The following SLC35A3 variants were observed in gnomAD, a reference collection of about 807,000 sequenced individuals.
SLC35A3 encodes the protein UDP-N-acetylglucosamine transporter.
In SLC35A3, 26 loss-of-function variants were observed where a neutral mutation model predicts 39.0. The observed-to-expected ratio is 0.67, with a 90% CI of 0.49 to 0.92. The LOEUF (loss-of-function observed/expected upper bound fraction) is 0.92. Among genes scored for constraint, SLC35A3 ranks in the 40% least tolerant of loss-of-function variants. The pLI, the probability that SLC35A3 is intolerant of heterozygous loss-of-function variation, is 0.00. For synonymous variants in SLC35A3, 135 were observed against 133.1 expected (o/e 1.01, Z -0.10); for missense variants, 299 against 371.6 (o/e 0.80, Z 1.61).
rs1200679933 is a variant in SLC35A3 at position 100,024,598 on chromosome 1, A to G, written c.*2122A>G. ...ACACACACACACACACACCCACAGTATGAATGAAAAAAATAAAATACTTCT... is the reference window on the plus strand; with the variant it reads ...ACACACACACACACACACCCACAGTGTGAATGAAAAAAATAAAATACTTCT... On this transcript the variant is annotated 3_prime_UTR_variant, in exon 8 of 8. Transcript: ENST00000533028. 2 of 256,028 alleles carry G rather than the reference A, an allele frequency of 7.8e-6. No homozygotes were observed. Among genetic ancestry groups the G allele is most frequent in the Admixed American group, 5.5e-5 (1 of 18,230 alleles). The allele number at this position is 256,028 out of a possible 1,614,324, so 15.9% of individuals were successfully genotyped here. A position where few individuals can be genotyped will look rare whatever the true frequency, so the allele number is the denominator to read the frequency against.
Position 100,027,573 on chromosome 1 carries a change from G to C in SLC35A3, c.*5097G>C, listed in dbSNP as rs960651029. 1 of 167,536 alleles carries C rather than the reference G, an allele frequency of 6.0e-6. No homozygotes were observed. The highest frequency in any genetic ancestry group is 1.3e-5 in the Non-Finnish European group (1 of 78,258). The allele number at this position is 167,536 out of a possible 1,614,324, so 10.4% of individuals were successfully genotyped here. ...GATTTTTTGTTTTAAATATCTCTAG[G>C]CTAGCCTCAAGGTTAAGTAATTATA... On this transcript the variant is annotated 3_prime_UTR_variant, in exon 8 of 8. Transcript: ENST00000533028.
intron 1 of SLC35A3, among the ~76,000 whole-genome samples, chr1:99,981,279 C>G (rs567522080): frequency 6.6e-6 from 1 of 152,178 alleles, no homozygotes; most frequent in East Asian, 1.9e-4. Flanking sequence ...TTCATATATA[C>G]TCTCTTATGT....
At chr1:99,993,818 G>C in intron 2 of SLC35A3, 77 bp downstream of exon 2, 1 of 1,286,312 alleles carries the variant, frequency 7.8e-7, no homozygotes, top group Non-Finnish European at 1.1e-6. Flanking sequence ...CTACACATTT[G>C]CACTCTTGCA....
chr1:99,999,087 T>C (rs768859250), intron 2 of SLC35A3, among the ~76,000 whole-genome samples, 174 bp from the exon 3 acceptor site: 3 of 152,120 alleles, frequency 2.0e-5, no homozygotes, highest in Non-Finnish European at 4.4e-5. Flanking sequence ...TAATACATTA[T>C]AATATTTAAC....
intron 1 of SLC35A3, among the ~76,000 whole-genome samples, chr1:99,974,068 T>G (rs1236933746): frequency 6.7e-6 from 1 of 149,816 alleles, no homozygotes; most frequent in Non-Finnish European, 1.5e-5. Flanking sequence ...TCAGATAAAA[T>G]GCTAAGAAAC....
intron 1 of SLC35A3, among the ~76,000 whole-genome samples, chr1:99,983,381 T>C (rs1433651846): frequency 6.6e-6 from 1 of 151,368 alleles, no homozygotes; most frequent in Admixed American, 6.6e-5. Context: ...CTACTAAAAA[T>C]ACAAAAAATT....
chr1:100,006,088 T>C (rs193066844), intron 3 of SLC35A3, among the ~76,000 whole-genome samples: 8 of 152,300 alleles, frequency 5.3e-5, no homozygotes, highest in African/African-American at 1.9e-4. Flanking sequence ...ATATAGTCTC[T>C]ATATGATTTC....
intron 6 of SLC35A3, 81 bp from the exon 7 acceptor site, chr1:100,017,593 CAAAAGCTT>C: frequency 1.3e-6 from 1 of 794,970 alleles, no homozygotes; most frequent in Non-Finnish European, 1.9e-6. Flanking sequence ...ATTTATGGGA[CAAAAGCTT>C]AAAGCTTTAT....
intron 5 of SLC35A3, among the ~76,000 whole-genome samples, chr1:100,015,035 G>T (rs1317712332): frequency 2.6e-5 from 4 of 151,762 alleles, no homozygotes; most frequent in African/African-American, 4.8e-5. Flanking sequence ...GCACGCGCCT[G>T]TAGTCCCAGC....
chr1:99,989,218 T>A (rs74347162), intron 1 of SLC35A3, among the ~76,000 whole-genome samples: 7,335 of 152,314 alleles, frequency 0.048, 204 homozygotes, highest in African/African-American at 0.067. Flanking sequence ...ATTTCCCTAA[T>A]GACCTTTTCC....
At chr1:100,008,363 C>T (rs1249159443) in intron 4 of SLC35A3, 1 of 152,080 alleles carries the variant, frequency 6.6e-6, no homozygotes, top group Non-Finnish European at 1.5e-5. Flanking sequence ...TTGTTTCAAA[C>T]AGTTAGGTAT....
chr1:100,012,588 A>T (rs1659746473), intron 5 of SLC35A3, among the ~76,000 whole-genome samples: 2 of 152,230 alleles, frequency 1.3e-5, no homozygotes, highest in African/African-American at 4.8e-5. Context: ...ACATGATAAG[A>T]TCCAATTTAT....
Position 100,024,640 on chromosome 1 carries a change from G to C in SLC35A3, c.*2164G>C. 1 of 301,046 alleles carries C rather than the reference G, an allele frequency of 3.3e-6. No homozygotes were observed. The highest frequency in any genetic ancestry group is 5.9e-6 in the Non-Finnish European group (1 of 169,168). 18.6% of individuals were successfully genotyped at this position (301,046 alleles called of 1,614,324 possible). On this transcript the variant is annotated 3_prime_UTR_variant, in exon 8 of 8. Coordinates refer to ENST00000533028, the MANE Select transcript of SLC35A3 (RefSeq NM_012243.3). ...AATACTTCTTTTTTTTTTTTTTTGA[G>C]ACAGAGTCTCACTTTGTCGCCAGGC...
intron 3 of SLC35A3, among the ~76,000 whole-genome samples, chr1:100,005,321 TTG>T (rs1659146339): frequency 6.6e-6 from 1 of 152,232 alleles, no homozygotes. Context: ...ATCTTTATTG[TTG>T]TTTCAAAACT....
intron 3 of SLC35A3, among the ~76,000 whole-genome samples, chr1:100,001,647 G>A (rs1323480247): frequency 1.3e-5 from 2 of 151,884 alleles, no homozygotes; most frequent in African/African-American, 4.8e-5. Flanking sequence ...TTTGCAAAGA[G>A]GGACAATTTG....
intron 2 of SLC35A3, among the ~76,000 whole-genome samples, chr1:99,996,600 G>A (rs1185961381): frequency 6.6e-6 from 1 of 152,072 alleles, no homozygotes; most frequent in African/African-American, 2.4e-5. Flanking sequence ...AAATAATCAG[G>A]TTTGGTGCAC....
At position 100,023,277 on chromosome 1, in the gene SLC35A3, TA is replaced by T. The variant is rs1418228008; in HGVS notation, c.*804del. The T allele has an allele frequency of 6.6e-6, 1 of 152,182 alleles. No individual in the cohort carries two copies. The highest frequency in any genetic ancestry group is 1.5e-5 in the Non-Finnish European group (1 of 68,024). 9.4% of individuals were successfully genotyped at this position (152,182 alleles called of 1,614,324 possible). A position where few individuals can be genotyped will look rare whatever the true frequency, so the allele number is the denominator to read the frequency against. ...TCAGATTAAGTCCTTAATATTATTT[TA>T]AATTAAAATTTGTGTGTAATTGCCA... On this transcript the variant is annotated 3_prime_UTR_variant, in exon 8 of 8. Transcript: ENST00000533028.
chr1:99,983,694 C>T (rs1488742648), intron 1 of SLC35A3, among the ~76,000 whole-genome samples: 1 of 151,436 alleles, frequency 6.6e-6, no homozygotes, highest in Non-Finnish European at 1.5e-5. Flanking sequence ...GGCACGATCT[C>T]GGCTCACTGC....
At chr1:99,994,162 A>G (rs937928874) in intron 2 of SLC35A3, among the ~76,000 whole-genome samples, 10 of 152,126 alleles carry the variant, frequency 6.6e-5, no homozygotes, top group African/African-American at 2.2e-4. Context: ...GAGCCATACA[A>G]TTTATGTGTT....
Sources: allele counts gnomAD v4.1 joint callset (sites outside exome capture counted in the v4.1 genomes callset), GRCh38; gene constraint gnomAD v4.1.1; transcripts MANE v1.5; gene names NCBI Gene and HGNC (gene_info 2026-07-23, HGNC 2026-07-21).